The following MAPRE2 variants were observed in gnomAD, a reference collection of about 807,000 sequenced individuals.
MAPRE2 encodes microtubule-associated protein RP/EB family member 2.
A neutral mutation model predicts 43.2 loss-of-function variants in MAPRE2; 13 were observed. The observed-to-expected ratio is 0.30, with a 90% confidence interval of 0.20 to 0.48. The LOEUF (loss-of-function observed/expected upper bound fraction) is 0.48, where lower values mean the gene tolerates loss of function less well. Ranked by LOEUF, MAPRE2 falls within the 20% of genes least tolerant of loss-of-function variation. MAPRE2 has a pLI of 0.99. For missense variants in MAPRE2, 161 were observed against 400.2 expected, an observed-to-expected ratio of 0.40 and a Z score of 5.10; for synonymous variants, 135 against 148.8, an observed-to-expected ratio of 0.91 and a Z score of 0.68.
intron 1 of MAPRE2, among the ~76,000 whole-genome samples, chr18:34,979,754 A>G (rs1459180831): frequency 6.6e-6 from 1 of 152,202 alleles, no homozygotes; most frequent in Non-Finnish European, 1.5e-5. Context: ...TACACTTAAC[A>G]TTTTATATAA....
intron 6 of MAPRE2, among the ~76,000 whole-genome samples, chr18:35,135,549 G>T (rs1024510411): frequency 1.3e-5 from 2 of 152,090 alleles, no homozygotes; most frequent in Admixed American, 6.6e-5. Flanking sequence ...CCTTCCTAAA[G>T]CTGTACCCTT....
At chr18:35,100,826 AG>A (rs1212235742) in intron 3 of MAPRE2, among the ~76,000 whole-genome samples, 2 of 152,150 alleles carry the variant, frequency 1.3e-5, no homozygotes, top group Non-Finnish European at 2.9e-5. Flanking sequence ...GGATCACCTG[AG>A]GTCAGGAGTT....
intron 1 of MAPRE2, among the ~76,000 whole-genome samples, chr18:35,055,503 G>A (rs922232438): frequency 6.6e-6 from 1 of 151,340 alleles, no homozygotes; most frequent in African/African-American, 2.4e-5. Context: ...GGTTCCAGGT[G>A]GATATGAATC....
intron 1 of MAPRE2, among the ~76,000 whole-genome samples, chr18:34,996,624 G>A (rs548701937): frequency 6.6e-6 from 1 of 152,298 alleles, no homozygotes; most frequent in East Asian, 1.9e-4. Context: ...ATACATCTAT[G>A]AGATGGGATA....
intron 2 of MAPRE2, among the ~76,000 whole-genome samples, chr18:35,012,649 G>A (rs954226347): frequency 6.6e-6 from 1 of 152,162 alleles, no homozygotes; most frequent in African/African-American, 2.4e-5. Flanking sequence ...GTCACAAAAA[G>A]ACAAATACTG....
chr18:35,136,759 G>T (rs967110415), intron 6 of MAPRE2, among the ~76,000 whole-genome samples: 2 of 152,104 alleles, frequency 1.3e-5, no homozygotes, highest in African/African-American at 4.8e-5. Flanking sequence ...TCTCTCCTTT[G>T]CCCCCATTTT....
At chr18:35,089,082 T>C (rs907788630) in intron 2 of MAPRE2, among the ~76,000 whole-genome samples, 10 of 152,176 alleles carry the variant, frequency 6.6e-5, no homozygotes, top group African/African-American at 2.4e-4. Flanking sequence ...GAATAACATA[T>C]GCAGGAAGAA....
chr18:34,979,483 A>C (rs2097014951), intron 1 of MAPRE2, among the ~76,000 whole-genome samples: 1 of 151,948 alleles, frequency 6.6e-6, no homozygotes, highest in Non-Finnish European at 1.5e-5. Flanking sequence ...CCTTTGTAGC[A>C]CACCATTCTG....
intron 4 of MAPRE2, among the ~76,000 whole-genome samples, chr18:35,104,148 A>G (rs1908798931): frequency 6.6e-6 from 1 of 152,192 alleles, no homozygotes; most frequent in African/African-American, 2.4e-5. Context: ...ACAGTGCCAA[A>G]TATTAATTGT....
At chr18:35,055,397 G>C (rs1906165340) in intron 1 of MAPRE2, among the ~76,000 whole-genome samples, 2 of 152,090 alleles carry the variant, frequency 1.3e-5, no homozygotes, top group South Asian at 4.1e-4. Flanking sequence ...GTCTTTTAAG[G>C]AACCAGTCAT....
At chr18:34,986,495 T>A (rs35891586) in intron 1 of MAPRE2, among the ~76,000 whole-genome samples, 26,001 of 152,134 alleles carry the variant, frequency 0.17, 2,470 homozygotes, top group East Asian at 0.24. Context: ...AAGACGCTAT[T>A]GATATAAGTA....
intron 2 of MAPRE2, among the ~76,000 whole-genome samples, chr18:35,085,541 T>C (rs1341590317): frequency 6.6e-6 from 1 of 152,206 alleles, no homozygotes; most frequent in Non-Finnish European, 1.5e-5. Flanking sequence ...AAAGGGTGTG[T>C]GTGCCCCCAG....
chr18:35,108,329 C>T (rs1205426353), intron 4 of MAPRE2, among the ~76,000 whole-genome samples: 4 of 152,162 alleles, frequency 2.6e-5, no homozygotes, highest in African/African-American at 4.8e-5. Flanking sequence ...GCATAGTGTT[C>T]CATGGTATAT....
intron 1 of MAPRE2, among the ~76,000 whole-genome samples, chr18:35,048,579 TTA>T (rs1248677667): frequency 2.7e-5 from 4 of 149,770 alleles, no homozygotes; most frequent in East Asian, 3.9e-4. Context: ...CATATATGTA[TTA>T]TATATGTGTG....
chr18:35,101,858 G>C, intron 3 of MAPRE2, 88 bp from the exon 4 acceptor site: 1 of 957,134 alleles, frequency 1.0e-6, no homozygotes. Flanking sequence ...TACAAGTGCA[G>C]ATATCTTTTT....
At chr18:35,054,532 T>C (rs1268925525) in intron 1 of MAPRE2, among the ~76,000 whole-genome samples, 2 of 152,302 alleles carry the variant, frequency 1.3e-5, no homozygotes, top group Non-Finnish European at 2.9e-5. Context: ...TCTGTTCTGG[T>C]TGGGACTGAG....
chr18:35,018,235 A>T (rs1463901367), intron 2 of MAPRE2, among the ~76,000 whole-genome samples: 5 of 151,922 alleles, frequency 3.3e-5, no homozygotes, highest in African/African-American at 1.2e-4. Flanking sequence ...GGATTTTTGC[A>T]TCTATGTTTG....
intron 1 of MAPRE2, among the ~76,000 whole-genome samples, chr18:34,978,002 G>A (rs2097014147): frequency 6.6e-6 from 1 of 152,218 alleles, no homozygotes. Flanking sequence ...GCCAAGGGCA[G>A]AGCCGTAACC....
intron 5 of MAPRE2, among the ~76,000 whole-genome samples, chr18:35,129,136 C>T (rs370554501): frequency 1.3e-5 from 2 of 152,230 alleles, no homozygotes; most frequent in East Asian, 1.9e-4. Context: ...CACCTTCACA[C>T]CGAGGAATGT....
Sources: gnomAD v4.1 joint callset for allele counts (sites outside exome capture counted in the v4.1 genomes callset) on GRCh38, gnomAD v4.1.1 for gene constraint, MANE v1.5 for transcripts, NCBI Gene and HGNC (gene_info 2026-07-23, HGNC 2026-07-21) for gene names.